The following RAB39A variants were observed in gnomAD, a reference collection of about 807,000 sequenced individuals.
RAB39A encodes ras-related protein Rab-39A.
A neutral mutation model predicts 20.9 loss-of-function variants in RAB39A; 17 were observed. The observed-to-expected ratio is 0.81, with a 90% CI of 0.56 to 1.22. RAB39A has a LOEUF of 1.22. Among genes scored for constraint, RAB39A ranks in the 50% most tolerant of loss-of-function variants. The pLI, the probability that RAB39A is intolerant of heterozygous loss-of-function variation, is 0.00. For synonymous variants in RAB39A, 99 were observed against 103.4 expected (o/e 0.96, Z 0.26); for missense variants, 234 against 270.5 (o/e 0.87, Z 0.95).
At chr11:107,938,340 A>G (rs911875023) in intron 1 of RAB39A, among the ~76,000 whole-genome samples, 1 of 142,290 alleles carries the variant, frequency 7.0e-6, no homozygotes, top group Non-Finnish European at 1.5e-5. Flanking sequence ...AGTCTGGGCA[A>G]TAGAGCAAGA....
At chr11:107,945,389 CT>C (rs142113086) in intron 1 of RAB39A, among the ~76,000 whole-genome samples, 161 of 148,384 alleles carry the variant, frequency 1.1e-3, no homozygotes, top group African/African-American at 3.0e-3. Flanking sequence ...TCTATTTTAG[CT>C]TTTTTTTCCC....
At chr11:107,930,835 G>A (rs1199573333) in intron 1 of RAB39A, among the ~76,000 whole-genome samples, 1 of 150,762 alleles carries the variant, frequency 6.6e-6, no homozygotes, top group East Asian at 1.9e-4. Context: ...CAGCCTGGGT[G>A]ACAGAGCCAG....
intron 1 of RAB39A, among the ~76,000 whole-genome samples, chr11:107,933,461 C>T (rs571887773): frequency 7.3e-6 from 1 of 136,566 alleles, no homozygotes. Context: ...CTCACTGCAA[C>T]CCCCACCTCC....
intron 1 of RAB39A, among the ~76,000 whole-genome samples, chr11:107,940,973 GA>G (rs1001159015): frequency 2.4e-4 from 35 of 145,778 alleles, no homozygotes; most frequent in Admixed American, 7.6e-4. Context: ...GTCCATCTCA[GA>G]AAAAAAAAAA....
chr11:107,933,166 G>A (rs909653977), intron 1 of RAB39A, among the ~76,000 whole-genome samples: 5 of 152,102 alleles, frequency 3.3e-5, no homozygotes, highest in African/African-American at 1.2e-4. Context: ...AATGTTAGCT[G>A]TAGAATGGGA....
At chr11:107,946,464 T>A (rs1361114866) in intron 1 of RAB39A, among the ~76,000 whole-genome samples, 168 of 28,802 alleles carry the variant, frequency 5.8e-3, no homozygotes, top group Middle Eastern at 0.023. Context: ...ATATATATTT[T>A]TTTTTTTTTT....
At chr11:107,961,576 A>G (rs1461339141) in intron 1 of RAB39A, among the ~76,000 whole-genome samples, 1 of 152,218 alleles carries the variant, frequency 6.6e-6, no homozygotes, top group African/African-American at 2.4e-5. Context: ...CTTAAGATCT[A>G]GTTTGTTGTA....
At chr11:107,943,953 G>C (rs2134960305) in intron 1 of RAB39A, among the ~76,000 whole-genome samples, 1 of 152,178 alleles carries the variant, frequency 6.6e-6, no homozygotes, top group Non-Finnish European at 1.5e-5. Flanking sequence ...AAATTAGCTG[G>C]ACATGGTGGC....
intron 1 of RAB39A, among the ~76,000 whole-genome samples, chr11:107,957,298 C>T (rs1048923224): frequency 6.6e-6 from 1 of 152,132 alleles, no homozygotes; most frequent in Non-Finnish European, 1.5e-5. Context: ...CAGCAGTTGG[C>T]AGAGCCAGAT....
intron 1 of RAB39A, among the ~76,000 whole-genome samples, chr11:107,949,608 C>T (rs905190194): frequency 6.6e-6 from 1 of 152,088 alleles, no homozygotes; most frequent in African/African-American, 2.4e-5. Flanking sequence ...AGAAGCTGGT[C>T]ATTGTCTCAT....
chr11:107,941,785 A>G (rs1330180787), intron 1 of RAB39A, among the ~76,000 whole-genome samples: 1 of 152,192 alleles, frequency 6.6e-6, no homozygotes, highest in African/African-American at 2.4e-5. Context: ...TGAAGCTAAT[A>G]GGAGGGGAAA....
rs543252439 is a variant in RAB39A, at chr11:107,961,528, G to A, written c.228-418G>A. Reference sequence around the variant, plus strand: ...CTTGTTTCTTTTTCCTAAACTGATAGAGAGAAGAGTTCATTAAATTTTATG... The same window carrying A: ...CTTGTTTCTTTTTCCTAAACTGATAAAGAGAAGAGTTCATTAAATTTTATG... On this transcript the variant is annotated intron_variant, in intron 1 of 1. Coordinates refer to ENST00000320578, the MANE Select transcript of RAB39A (RefSeq NM_017516.3). Among the ~76,000 whole-genome samples, 7 of 152,244 alleles carry A rather than the reference G, an allele frequency of 4.6e-5. 1 individual carries two copies. The South Asian group carries it at 1.5e-3, about 32-fold the overall frequency.
intron 1 of RAB39A, among the ~76,000 whole-genome samples, chr11:107,938,841 C>T (rs1469768848): frequency 6.6e-6 from 1 of 152,074 alleles, no homozygotes; most frequent in Non-Finnish European, 1.5e-5. Context: ...TAGAAGCTAG[C>T]CAGACATTTG....
chr11:107,929,771 A>G (rs185680335), intron 1 of RAB39A, among the ~76,000 whole-genome samples: 1 of 152,338 alleles, frequency 6.6e-6, no homozygotes, highest in East Asian at 1.9e-4. Flanking sequence ...TTGAGATGGA[A>G]GCAGGTTTAA....
intron 1 of RAB39A, among the ~76,000 whole-genome samples, chr11:107,931,544 A>T (rs1339727278): frequency 1.3e-5 from 2 of 152,222 alleles, no homozygotes; most frequent in African/African-American, 4.8e-5. Flanking sequence ...TAAAACAATT[A>T]CTATTAAATC....
chr11:107,946,811 G>T (rs1405375708), intron 1 of RAB39A, among the ~76,000 whole-genome samples: 1 of 151,584 alleles, frequency 6.6e-6, no homozygotes, highest in Non-Finnish European at 1.5e-5. Context: ...ATTCTGTCTG[G>T]GCAAGGTGGC....
chr11:107,946,436 G>GTGTA lies in RAB39A; in HGVS notation c.228-15509_228-15508insGTAT, dbSNP rs1315934948. ...TGTGTGTGTGTGTGTGTGTGTGTGT[G>GTGTA]TATATATATATATATATATATATAT... On this transcript the variant is annotated intron_variant, in intron 1 of 1. Coordinates refer to ENST00000320578, the MANE Select transcript of RAB39A (RefSeq NM_017516.3). Among the ~76,000 whole-genome samples the GTGTA allele has an allele frequency of 9.8e-3, 299 of 30,424 alleles. 1 individual carries two copies. Among genetic ancestry groups the GTGTA allele is most frequent in the Non-Finnish European group, 0.015 (251 of 17,142 alleles). 20.0% of individuals were successfully genotyped at this position (30,424 alleles called of 152,430 possible).
intron 1 of RAB39A, among the ~76,000 whole-genome samples, chr11:107,958,273 T>A (rs140179698): frequency 8.6e-4 from 131 of 152,264 alleles, no homozygotes; most frequent in African/African-American, 2.9e-3. Context: ...AAAATAATTG[T>A]TACTCCTCAT....
At chr11:107,945,933 C>G (rs1437046156) in intron 1 of RAB39A, among the ~76,000 whole-genome samples, 1 of 152,102 alleles carries the variant, frequency 6.6e-6, no homozygotes, top group Non-Finnish European at 1.5e-5. Flanking sequence ...TTTCTCCACT[C>G]AGCTCCTCAG....
Sources: allele counts gnomAD v4.1 joint callset (sites outside exome capture counted in the v4.1 genomes callset), GRCh38; gene constraint gnomAD v4.1.1; transcripts MANE v1.5; gene names NCBI Gene and HGNC (gene_info 2026-07-23, HGNC 2026-07-21).